Variants in ELMOD1 observed in about 807,000 individuals in gnomAD.
ELMOD1 encodes the protein ELMO domain containing 1, also known as ELMO domain-containing protein 1.
A neutral mutation model predicts 46.7 loss-of-function variants in ELMOD1; 21 were observed. The observed-to-expected ratio is 0.45, with a 90% CI of 0.32 to 0.65. The LOEUF (loss-of-function observed/expected upper bound fraction) is 0.65, where lower values mean the gene tolerates loss of function less well. Ranked by LOEUF, ELMOD1 falls within the 30% of genes least tolerant of loss-of-function variation. The pLI is 0.04. For synonymous variants in ELMOD1, 122 were observed against 138.2 expected, an observed-to-expected ratio of 0.88 and a Z score of 0.82; for missense variants, 348 against 407.8, an observed-to-expected ratio of 0.85 and a Z score of 1.26.
intron 1 of ELMOD1, among the ~76,000 whole-genome samples, chr11:107,611,756 C>T (rs1865784928): frequency 6.7e-6 from 1 of 149,000 alleles, no homozygotes; most frequent in Non-Finnish European, 1.5e-5. Flanking sequence ...ACAGACACTT[C>T]TCAATAGAAG....
At chr11:107,660,128 G>A (rs1866708688) in intron 11 of ELMOD1, among the ~76,000 whole-genome samples, 1 of 152,120 alleles carries the variant, frequency 6.6e-6, no homozygotes, top group African/African-American at 2.4e-5. Context: ...GACATGATCA[G>A]TTCTGCACGT....
chr11:107,622,297 T>C (rs1237690806), intron 2 of ELMOD1, among the ~76,000 whole-genome samples: 1 of 152,188 alleles, frequency 6.6e-6, no homozygotes, highest in Non-Finnish European at 1.5e-5. Flanking sequence ...TAAGCACTAG[T>C]GGTCCAAGTT....
intron 11 of ELMOD1, among the ~76,000 whole-genome samples, chr11:107,659,456 G>T (rs887449130): frequency 2.0e-5 from 3 of 152,072 alleles, no homozygotes; most frequent in East Asian, 3.9e-4. Context: ...GATTAGAAAG[G>T]CTCTAGCTAC....
At chr11:107,629,103 T>C (rs1485150711) in intron 2 of ELMOD1, among the ~76,000 whole-genome samples, 1 of 152,244 alleles carries the variant, frequency 6.6e-6, no homozygotes, top group African/African-American at 2.4e-5. Context: ...TTTCTTTCCA[T>C]TTCCTTTGCA....
At chr11:107,626,604 T>C (rs953555086) in intron 2 of ELMOD1, among the ~76,000 whole-genome samples, 3 of 148,916 alleles carry the variant, frequency 2.0e-5, no homozygotes, top group African/African-American at 7.5e-5. Flanking sequence ...CTTCTTATCT[T>C]CTTTCCTTCT....
At chr11:107,614,931 C>T (rs1312227259) in intron 1 of ELMOD1, among the ~76,000 whole-genome samples, 1 of 152,104 alleles carries the variant, frequency 6.6e-6, no homozygotes, top group African/African-American at 2.4e-5. Context: ...TACATCTAGG[C>T]TAAGCATCTC....
chr11:107,650,527 C>A, intron 8 of ELMOD1, 124 bp downstream of exon 8: 1 of 751,278 alleles, frequency 1.3e-6, no homozygotes, highest in Non-Finnish European at 2.2e-6. Context: ...TCAAACAAGC[C>A]CTTGTAATAA....
intron 9 of ELMOD1, chr11:107,653,429 C>T (rs554711388): frequency 6.6e-6 from 1 of 152,136 alleles, no homozygotes; most frequent in South Asian, 2.1e-4. Context: ...GCTGAAATTA[C>T]AAAACAAAGA....
In ELMOD1 at chr11:107,631,612, C is replaced by G. The variant is rs201524635; in HGVS notation, c.225C>G (p.Asp75Glu). 1.9e-6 allele frequency: 3 copies of G among 1,565,306 alleles called. No individual in the cohort carries two copies. The highest frequency in any genetic ancestry group is 2.6e-6 in the Non-Finnish European group (3 of 1,154,420). ...LLQTSVSVHP[D>E]AIEKTIEDIM... ...AGACTTCTGTGAGTGTTCACCCCGA[C>G]GCTATTGAAAAAACTATAGAAGATA... The change falls in exon 5 of 12, where the codon GAC becomes GAG. Residue 75 changes from aspartate (D) to glutamate (E), a missense_variant. By Grantham distance (45) the Asp-to-Glu change is conservative. Transcript: ENST00000265840.
chr11:107,647,986 A>G (rs1329957285), intron 7 of ELMOD1, among the ~76,000 whole-genome samples: 1 of 152,178 alleles, frequency 6.6e-6, no homozygotes, highest in Non-Finnish European at 1.5e-5. Flanking sequence ...GAAAAATTCT[A>G]CACCATCATT....
chr11:107,621,662 C>T (rs1865949905), intron 2 of ELMOD1, among the ~76,000 whole-genome samples: 1 of 61,980 alleles, frequency 1.6e-5, no homozygotes, highest in African/African-American at 3.5e-5. Context: ...GACTTCCAAG[C>T]TGTTTCTCAT....
At chr11:107,622,701 G>A (rs561661586) in intron 2 of ELMOD1, among the ~76,000 whole-genome samples, 7 of 152,328 alleles carry the variant, frequency 4.6e-5, no homozygotes, top group African/African-American at 1.7e-4. Context: ...CTTTTGAAGA[G>A]CAGAAGGTGC....
chr11:107,618,904 C>G (rs573969933), intron 2 of ELMOD1, among the ~76,000 whole-genome samples: 1 of 152,108 alleles, frequency 6.6e-6, no homozygotes, highest in Admixed American at 6.5e-5. Flanking sequence ...TATTAAAATA[C>G]GGCAAAATAA....
At chr11:107,634,216 A>G (rs1278965354) in intron 5 of ELMOD1, among the ~76,000 whole-genome samples, 1 of 152,106 alleles carries the variant, frequency 6.6e-6, no homozygotes, top group Non-Finnish European at 1.5e-5. Context: ...AAAATACATG[A>G]CTCTAAAGAA....
At chr11:107,634,435 G>A (rs1401427855) in intron 5 of ELMOD1, among the ~76,000 whole-genome samples, 1 of 152,068 alleles carries the variant, frequency 6.6e-6, no homozygotes, top group Non-Finnish European at 1.5e-5. Context: ...GACTGAGAAC[G>A]ATCATAAAAC....
At chr11:107,635,855 AG>A (rs1227176386) in intron 6 of ELMOD1, 90 bp downstream of exon 6, 2 of 1,352,706 alleles carry the variant, frequency 1.5e-6, no homozygotes, top group African/African-American at 3.0e-5. Flanking sequence ...TCTGGACATC[AG>A]GGGTACAAAG....
chr11:107,646,048 A>G (rs1469817166), intron 6 of ELMOD1, among the ~76,000 whole-genome samples: 2 of 152,212 alleles, frequency 1.3e-5, no homozygotes, highest in Non-Finnish European at 2.9e-5. Context: ...AGGAAATTTT[A>G]CATTTGTGTT....
intron 8 of ELMOD1, 109 bp downstream of exon 8, chr11:107,650,512 C>G: frequency 2.4e-6 from 2 of 821,956 alleles, no homozygotes; most frequent in Non-Finnish European, 4.0e-6. Flanking sequence ...AGGCTCAAAG[C>G]TTTTTCAAAC....
intron 1 of ELMOD1, among the ~76,000 whole-genome samples, chr11:107,614,177 C>G (rs1212715382): frequency 2.6e-5 from 4 of 152,158 alleles, no homozygotes; most frequent in Non-Finnish European, 5.9e-5. Context: ...TTCTAACTAT[C>G]TCTCATATCT....
Sources: allele counts gnomAD v4.1 joint callset (sites outside exome capture counted in the v4.1 genomes callset), GRCh38; gene constraint gnomAD v4.1.1; transcripts MANE v1.5; gene names NCBI Gene and HGNC (gene_info 2026-07-23, HGNC 2026-07-21).